Variants in TTLL11 observed in about 807,000 individuals in gnomAD.
TTLL11 encodes the protein tubulin polyglutamylase TTLL11.
TTLL11 carries 42 observed loss-of-function variants against 51.7 expected under a neutral mutation model. The ratio of observed to expected loss-of-function variants is 0.81; its 90% CI spans 0.64 to 1.05. The LOEUF is 1.05. Among genes scored for constraint, TTLL11 ranks in the 50% least tolerant of loss-of-function variants. TTLL11 has a pLI of 0.00. For synonymous variants in TTLL11, 381 were observed against 383.5 expected (o/e 0.99, Z 0.08); for missense variants, 799 against 940.4 (o/e 0.85, Z 1.97).
chr9:121,880,689 T>C (rs1417925759), intron 6 of TTLL11, among the ~76,000 whole-genome samples: 1 of 152,264 alleles, frequency 6.6e-6, no homozygotes, highest in African/African-American at 2.4e-5. Context: ...GCCTGGTTTA[T>C]GACTATACCT....
At chr9:121,856,047 T>C (rs1387510739) in intron 8 of TTLL11, among the ~76,000 whole-genome samples, 1 of 152,158 alleles carries the variant, frequency 6.6e-6, no homozygotes, top group Non-Finnish European at 1.5e-5. Flanking sequence ...GTTAGACTGG[T>C]TTTTATTCAA....
At chr9:121,876,474 G>GA (rs1304399999) in intron 6 of TTLL11, among the ~76,000 whole-genome samples, 1 of 152,176 alleles carries the variant, frequency 6.6e-6, no homozygotes, top group Non-Finnish European at 1.5e-5. Flanking sequence ...CCAAGTGAGG[G>GA]AAAACAAGAC....
At chr9:121,985,518 T>C (rs990644495) in intron 4 of TTLL11, among the ~76,000 whole-genome samples, 125 of 141,342 alleles carry the variant, frequency 8.8e-4, no homozygotes, top group East Asian at 8.0e-4. Flanking sequence ...CTTTTCTTTT[T>C]TTTTTTTTTT....
intron 6 of TTLL11, among the ~76,000 whole-genome samples, chr9:121,887,759 T>C (rs1839067392): frequency 6.6e-6 from 1 of 152,166 alleles, no homozygotes; most frequent in South Asian, 2.1e-4. Flanking sequence ...ATGAAGAAAG[T>C]GCCTCCCCCG....
chr9:121,924,569 G>A (rs1236905376), intron 6 of TTLL11, among the ~76,000 whole-genome samples: 1 of 152,182 alleles, frequency 6.6e-6, no homozygotes. Flanking sequence ...GGAAGGAGCA[G>A]ATGAGAGTTC....
chr9:121,942,735 C>CTAA (rs1841525179), intron 6 of TTLL11, among the ~76,000 whole-genome samples: 1 of 127,318 alleles, frequency 7.9e-6, no homozygotes, highest in African/African-American at 3.1e-5. Context: ...TCTAATCTGT[C>CTAA]TTATTTTTTT....
chr9:122,030,110 G>A (rs1844485884), intron 3 of TTLL11, among the ~76,000 whole-genome samples: 2 of 148,108 alleles, frequency 1.4e-5, no homozygotes, highest in Admixed American at 1.4e-4. Flanking sequence ...TGCCCGTCAA[G>A]TGACTCATGA....
rs536881624 is a variant in TTLL11, at chr9:121,940,065, C to T, written c.1481+33944G>A. Among the ~76,000 whole-genome samples the T allele has an allele frequency of 2.0e-3, 311 of 152,274 alleles. 1 individual carries two copies. The highest frequency in any genetic ancestry group is 7.1e-3 in the African/African-American group (295 of 41,554). On this transcript the variant is annotated intron_variant, in intron 6 of 8. Coordinates refer to ENST00000321582, the MANE Select transcript of TTLL11 (RefSeq NM_001139442.2). ...CTGAGAGGACTGCCTTGCCTTCCTT[C>T]GTTACTGGAACATGACAACCCAGCT...
intron 1 of TTLL11, among the ~76,000 whole-genome samples, chr9:122,080,901 TG>T (rs1235239567): frequency 6.6e-6 from 1 of 152,160 alleles, no homozygotes; most frequent in Non-Finnish European, 1.5e-5. Flanking sequence ...AATTATAATG[TG>T]GACATTAATG....
rs562697630 is a variant in TTLL11 at position 122,023,535 on chromosome 9, C to T, written c.693+8188G>A. 3.5e-4 allele frequency among the ~76,000 whole-genome samples: 53 copies of T among 151,690 alleles called. 1 individual carries two copies. The highest frequency in any genetic ancestry group is 1.5e-3 in the Admixed American group (23 of 15,252). The stretch of plus-strand genomic sequence containing the variant: ...CCAATATCCCTCATGAATATAGATG[C>T]AAATAAAGAACATTTTAGTAAATCA... On this transcript the variant is annotated intron_variant, in intron 3 of 8. Coordinates refer to ENST00000321582, the MANE Select transcript of TTLL11 (RefSeq NM_001139442.2).
At chr9:121,999,753 C>G (rs763716957) in intron 3 of TTLL11, among the ~76,000 whole-genome samples, 8 of 152,198 alleles carry the variant, frequency 5.3e-5, no homozygotes, top group Non-Finnish European at 1.2e-4. Context: ...CGTGCGCGTG[C>G]ACACATTTGC....
intron 3 of TTLL11, among the ~76,000 whole-genome samples, chr9:122,027,392 C>G (rs1369333204): frequency 6.6e-6 from 1 of 152,118 alleles, no homozygotes; most frequent in Admixed American, 6.5e-5. Flanking sequence ...ACCAGGGAAC[C>G]ATTACAACCT....
chr9:122,029,275 TA>T (rs548618382), intron 3 of TTLL11, among the ~76,000 whole-genome samples: 7 of 148,268 alleles, frequency 4.7e-5, no homozygotes, highest in East Asian at 2.0e-4. Flanking sequence ...CTTCTACTTC[TA>T]AAAAAAAAAG....
intron 1 of TTLL11, among the ~76,000 whole-genome samples, chr9:122,057,619 C>T (rs988326380): frequency 4.7e-4 from 72 of 152,180 alleles, no homozygotes; most frequent in Admixed American, 4.7e-3. Flanking sequence ...GAGCCACTAC[C>T]CCGCCAATCA....
intron 6 of TTLL11, among the ~76,000 whole-genome samples, chr9:121,887,800 G>C (rs893732733): frequency 6.6e-6 from 1 of 152,174 alleles, no homozygotes; most frequent in Admixed American, 6.5e-5. Context: ...TTTCTCCCAG[G>C]GGAGGAGTGG....
chr9:122,033,634 G>A (rs1028517492), intron 2 of TTLL11, among the ~76,000 whole-genome samples: 7 of 152,224 alleles, frequency 4.6e-5, no homozygotes, highest in South Asian at 2.1e-4. Context: ...AAATTCCCAC[G>A]TTCAGAAAGA....
rs146694623 is a variant in TTLL11, at chr9:121,859,102, C to T, written c.1840+1235G>A. Among the ~76,000 whole-genome samples the T allele has an allele frequency of 3.6e-5, 5 of 137,572 alleles. No individual in the cohort carries two copies. The East Asian group carries it at 6.7e-4, about 18-fold the overall frequency. 90.3% of individuals were successfully genotyped at this position (137,572 alleles called of 152,430 possible). A position where few individuals can be genotyped will look rare whatever the true frequency, so the allele number is the denominator to read the frequency against. ...CATAATGCCTACTGCACTGGTTTAC[C>T]GGGACATTTAATGAGGAAATATGCA... On this transcript the variant is annotated intron_variant, in intron 8 of 8. Transcript: ENST00000321582.
At chr9:122,040,093 C>T (rs1380197968) in intron 1 of TTLL11, among the ~76,000 whole-genome samples, 1 of 151,988 alleles carries the variant, frequency 6.6e-6, no homozygotes, top group African/African-American at 2.4e-5. Flanking sequence ...CTCTGCTGGC[C>T]CTTGAACTGG....
At chr9:121,843,395 T>A (rs1407625782) in intron 8 of TTLL11, among the ~76,000 whole-genome samples, 1 of 152,070 alleles carries the variant, frequency 6.6e-6, no homozygotes, top group Non-Finnish European at 1.5e-5. Flanking sequence ...GATAAGAACA[T>A]TTCACTCGTA....
Sources: allele counts gnomAD v4.1 joint callset (sites outside exome capture counted in the v4.1 genomes callset), GRCh38; gene constraint gnomAD v4.1.1; transcripts MANE v1.5; gene names NCBI Gene and HGNC (gene_info 2026-07-23, HGNC 2026-07-21).